The following ZNF44 variants were observed in gnomAD, a reference collection of about 807,000 sequenced individuals.
ZNF44 encodes zinc finger protein 44.
A neutral mutation model predicts 11.7 loss-of-function variants in ZNF44; 9 were observed. The ratio of observed to expected loss-of-function variants is 0.77; its 90% CI spans 0.46 to 1.35. ZNF44 has a LOEUF of 1.35. ZNF44 is among the 40% of genes most tolerant of loss of function. ZNF44 has a pLI of 0.00. For missense variants in ZNF44, 696 were observed against 743.1 expected, an observed-to-expected ratio of 0.94 and a Z score of 0.74; for synonymous variants, 224 against 242.7, an observed-to-expected ratio of 0.92 and a Z score of 0.72.
Position 12,285,967 on chromosome 19 carries a change from C to T in ZNF44, c.3+8725G>A, listed in dbSNP as rs562151840. On this transcript the variant is annotated intron_variant, in intron 1 of 3. Coordinates refer to ENST00000355684, the MANE Select transcript of ZNF44 (RefSeq NM_016264.4). ...CCGGGGGTCAGAGCTTGCAGTGAGC[C>T]GAGATCACGCCACTGCACTCTAGCC... is the stretch of plus-strand genomic sequence containing the variant. 4.2e-5 allele frequency among the ~76,000 whole-genome samples: 6 copies of T among 141,290 alleles called. No individual in the cohort carries two copies. In the East Asian group the frequency reaches 5.9e-4, roughly 14 times the overall value. 92.7% of individuals were successfully genotyped at this position (141,290 alleles called of 152,430 possible).
chr19:12,293,298 G>A (rs1197287611), intron 1 of ZNF44: 6 of 1,536,768 alleles, frequency 3.9e-6, no homozygotes, highest in Middle Eastern at 1.7e-4. Flanking sequence ...CCCAAGGGCC[G>A]ATATCCACTA....
intron 5 of ZNF44, among the ~76,000 whole-genome samples, chr19:12,253,812 C>G (rs1368758156): frequency 6.6e-6 from 1 of 152,030 alleles, no homozygotes; most frequent in African/African-American, 2.4e-5. Flanking sequence ...AAACCCATCT[C>G]TACTTAAAAT....
intron 1 of ZNF44, among the ~76,000 whole-genome samples, chr19:12,286,774 A>C (rs1967772011): frequency 6.6e-6 from 1 of 151,080 alleles, no homozygotes; most frequent in South Asian, 2.1e-4. Flanking sequence ...AACATGGTGA[A>C]ACTCCATCTC....
chr19:12,293,461 A>AG, intron 1 of ZNF44: 1 of 1,326,858 alleles, frequency 7.5e-7, no homozygotes, highest in South Asian at 1.8e-5. Flanking sequence ...GAGATAAAAG[A>AG]GGCACAAAGG....
At chr19:12,282,584 G>T (rs1967525949) in intron 1 of ZNF44, among the ~76,000 whole-genome samples, 1 of 151,952 alleles carries the variant, frequency 6.6e-6, no homozygotes, top group East Asian at 1.9e-4. Context: ...ACCATGCCCG[G>T]CTAATTTTTG....
At position 12,229,193 on chromosome 19, in the gene ZNF44, G is replaced by C. The variant is rs578244278; in HGVS notation, n.436+1267C>G. Among the ~76,000 whole-genome samples the C allele has an allele frequency of 9.2e-5, 14 of 152,234 alleles. No homozygotes were observed. The East Asian group carries it at 2.7e-3, about 29-fold the overall frequency. On this transcript the variant is annotated intron_variant and non_coding_transcript_variant, in intron 3 of 3. Coordinates refer to the ZNF44 transcript ENST00000597563. Reference sequence around the variant, plus strand: ...CAGACAACCAGAAGAAGATTCAGTAGTTACAATATTTTTTTTCTCCTAATT... The same window carrying C: ...CAGACAACCAGAAGAAGATTCAGTACTTACAATATTTTTTTTCTCCTAATT...
intron 1 of ZNF44, chr19:12,284,378 T>C: frequency 3.3e-6 from 2 of 610,914 alleles, no homozygotes; most frequent in South Asian, 3.0e-5. Context: ...CCAGAGGCCC[T>C]GGGGACCCTG....
At chr19:12,270,269 T>C (rs367722784), downstream of ZNF44, among the ~76,000 whole-genome samples, 1 of 152,114 alleles carries the variant, frequency 6.6e-6, no homozygotes, top group East Asian at 1.9e-4. Flanking sequence ...CTATGAAACA[T>C]AGCTTAACCA....
At chr19:12,288,122 T>C (rs942124962) in intron 1 of ZNF44, among the ~76,000 whole-genome samples, 5 of 152,130 alleles carry the variant, frequency 3.3e-5, no homozygotes, top group Non-Finnish European at 4.4e-5. Context: ...AATTGAGGGC[T>C]CAGTTCCACA....
intron 1 of ZNF44, chr19:12,234,935 GAGC>G (rs1916318684): frequency 6.6e-6 from 1 of 152,226 alleles, no homozygotes; most frequent in Non-Finnish European, 1.5e-5. Context: ...CAGAGGTTCT[GAGC>G]AGAAGTTTAA....
chr19:12,290,493 G>A (rs1325483563), intron 1 of ZNF44, among the ~76,000 whole-genome samples: 2 of 147,970 alleles, frequency 1.4e-5, no homozygotes, highest in South Asian at 2.1e-4. Context: ...ACAAGGTCAG[G>A]AGTTGAGACC....
chr19:12,272,468 G>C lies in ZNF44; in HGVS notation c.1787C>G (p.Ala596Gly). 6.3e-7 allele frequency: 1 copy of C among 1,599,124 alleles called. No individual in the cohort carries two copies. Among genetic ancestry groups the C allele is most frequent in the South Asian group, 1.1e-5 (1 of 88,608 alleles). Residue 596 changes from alanine to glycine, a missense_variant, in exon 4 of 4, where the codon GCC becomes GGC. By Grantham distance (60) the Ala-to-Gly change is moderately conservative (BLOSUM62 0). Transcript: ENST00000355684. Reference protein sequence around the residue: ...KPYECKECGKAFSSLSSFNRH... With the variant: ...KPYECKECGKGFSSLSSFNRH... ...ATTAAAGGAACTGAGAGAACTGAAGGCTTTCCCACATTCCTTACATTCATA... is the reference window on the plus strand; with the variant it reads ...ATTAAAGGAACTGAGAGAACTGAAGCCTTTCCCACATTCCTTACATTCATA...
In ZNF44 at chr19:12,273,230, C is replaced by A. The variant is rs779310631; in HGVS notation, c.1025G>T (p.Cys342Phe). ...SGDGPHKCKI[C>F]GKGFDFPGSA... Reference sequence around the variant, plus strand: ...ACCAGGAAAATCAAAGCCTTTCCCACATATCTTACATTTATGAGGTCCATC... The same window carrying A: ...ACCAGGAAAATCAAAGCCTTTCCCAAATATCTTACATTTATGAGGTCCATC... The change falls in exon 4 of 4, where the codon TGT (cysteine) becomes TTT (phenylalanine). Residue 342 changes from cysteine (C) to phenylalanine (F), a missense_variant. Cys to Phe is a radical substitution (Grantham distance 205). Transcript: ENST00000355684. The A allele has an allele frequency of 1.2e-6, 2 of 1,614,092 alleles. No individual in the cohort carries two copies. The highest frequency in any genetic ancestry group is 4.5e-5 in the East Asian group (2 of 44,882).
chr19:12,264,900 G>A (rs1917665201), intron 5 of ZNF44, among the ~76,000 whole-genome samples: 1 of 152,044 alleles, frequency 6.6e-6, no homozygotes, highest in East Asian at 1.9e-4. Flanking sequence ...GTTTCGCCAT[G>A]TTGCCCAGGC....
At chr19:12,292,855 GTTTTTTT>G (rs71166664) in intron 1 of ZNF44, among the ~76,000 whole-genome samples, 6 of 76,916 alleles carry the variant, frequency 7.8e-5, no homozygotes, top group African/African-American at 2.9e-4. Flanking sequence ...CAGAGGTTAG[GTTTTTTT>G]TTTTTTTTTT....
At chr19:12,255,589 C>T (rs1447182147) in intron 5 of ZNF44, among the ~76,000 whole-genome samples, 1 of 152,150 alleles carries the variant, frequency 6.6e-6, no homozygotes, top group Non-Finnish European at 1.5e-5. Context: ...AAACAAGATG[C>T]TTTCCCAGTA....
At chr19:12,260,506 GGAAGCGGACCCGC>G in intron 5 of ZNF44, 2 of 1,250,496 alleles carry the variant, frequency 1.6e-6, no homozygotes, top group South Asian at 2.6e-5. Flanking sequence ...ATGGTGAAGC[GGAAGCGGACCCGC>G]GCCACCAAGA....
At chr19:12,231,690 C>T (rs2145675183) in intron 2 of ZNF44, among the ~76,000 whole-genome samples, 1 of 152,284 alleles carries the variant, frequency 6.6e-6, no homozygotes, top group African/African-American at 2.4e-5. Context: ...AGGAAAAAAA[C>T]ACTGTTAGGA....
intron 2 of ZNF44, among the ~76,000 whole-genome samples, chr19:12,275,708 T>C (rs1308174798): frequency 6.6e-6 from 1 of 152,206 alleles, no homozygotes; most frequent in Middle Eastern, 3.2e-3. Context: ...CAGTATGCAA[T>C]ACATATGACA....
Sources: allele counts gnomAD v4.1 joint callset (sites outside exome capture counted in the v4.1 genomes callset), GRCh38; gene constraint gnomAD v4.1.1; transcripts MANE v1.5; gene names NCBI Gene and HGNC (gene_info 2026-07-23, HGNC 2026-07-21).